Variants in CAMTA1 observed in about 807,000 individuals in gnomAD.
CAMTA1 encodes the protein calmodulin-binding transcription activator 1.
A neutral mutation model predicts 170.9 loss-of-function variants in CAMTA1; 27 were observed. The ratio of observed to expected loss-of-function variants is 0.16; its 90% CI spans 0.12 to 0.22. CAMTA1 has a LOEUF of 0.22. Among genes scored for constraint, CAMTA1 ranks in the 10% least tolerant of loss-of-function variants. The pLI, the probability that CAMTA1 is intolerant of heterozygous loss-of-function variation, is 1.00. For synonymous variants in CAMTA1, 833 were observed against 891.5 expected (o/e 0.93, Z 1.17); for missense variants, 1,619 against 2,217.2 (o/e 0.73, Z 5.42).
intron 6 of CAMTA1, among the ~76,000 whole-genome samples, chr1:7,530,342 G>A (rs185233837): frequency 6.6e-6 from 1 of 152,350 alleles, no homozygotes; most frequent in Admixed American, 6.5e-5. Flanking sequence ...GATGCACTGA[G>A]CTGACCGAAG....
At chr1:7,317,193 T>A (rs879777803) in intron 5 of CAMTA1, among the ~76,000 whole-genome samples, 1 of 151,782 alleles carries the variant, frequency 6.6e-6, no homozygotes. Flanking sequence ...CCTGCGGGAG[T>A]AGGAAGGAGG....
At chr1:7,321,840 C>G (rs1002976192) in intron 5 of CAMTA1, among the ~76,000 whole-genome samples, 3 of 152,126 alleles carry the variant, frequency 2.0e-5, no homozygotes, top group African/African-American at 7.2e-5. Context: ...CTAGAACTTG[C>G]ACCTCCTTCT....
chr1:7,660,587 C>G (rs2095946705), intron 7 of CAMTA1, among the ~76,000 whole-genome samples: 1 of 152,136 alleles, frequency 6.6e-6, no homozygotes. Context: ...CTGAACCGAG[C>G]CAGCTCCTAC....
At chr1:7,166,983 G>A (rs1648607716) in intron 4 of CAMTA1, among the ~76,000 whole-genome samples, 1 of 151,750 alleles carries the variant, frequency 6.6e-6, no homozygotes, top group Non-Finnish European at 1.5e-5. Context: ...GCTAATTTTT[G>A]TATTTTTAGT....
chr1:7,636,315 G>T (rs1411327507), intron 6 of CAMTA1, among the ~76,000 whole-genome samples: 4 of 152,226 alleles, frequency 2.6e-5, no homozygotes, highest in African/African-American at 9.6e-5. Flanking sequence ...GGAGGATGGG[G>T]TGGGTATCCA....
At chr1:6,891,494 C>T (rs773969277) in intron 3 of CAMTA1, among the ~76,000 whole-genome samples, 4 of 152,242 alleles carry the variant, frequency 2.6e-5, no homozygotes, top group East Asian at 1.9e-4. Context: ...TGTGATCTTC[C>T]GGGATCTTAA....
intron 12 of CAMTA1, among the ~76,000 whole-genome samples, chr1:7,734,871 A>G (rs974100374): frequency 6.6e-6 from 1 of 152,244 alleles, no homozygotes; most frequent in Non-Finnish European, 1.5e-5. Flanking sequence ...AACACCAGAG[A>G]TACAAATTAG....
At position 7,426,254 on chromosome 1, in the gene CAMTA1, C is replaced by G. The variant is rs1043788916; in HGVS notation, c.439-41576C>G. ...GTGCCCAGGGCCAGAGAGAGCTGCA[C>G]GGTCCGAAGCTCAGAGCATCCTCAC... is the stretch of plus-strand genomic sequence containing the variant. On this transcript the variant is annotated intron_variant, in intron 5 of 22. Transcript: ENST00000303635. The surrounding 1 kb of genome is among the most constrained non-coding windows in gnomAD (Gnocchi z 4.8). Among the ~76,000 whole-genome samples the G allele has an allele frequency of 6.6e-6, 1 of 151,484 alleles. No individual in the cohort carries two copies. Among genetic ancestry groups the G allele is most frequent in the Non-Finnish European group, 1.5e-5 (1 of 68,028 alleles).
chr1:7,561,475 G>A lies in CAMTA1; in HGVS notation c.511-78925G>A, dbSNP rs1248555931. 6.6e-6 allele frequency among the ~76,000 whole-genome samples: 1 copy of A among 151,778 alleles called. No individual in the cohort carries two copies. Among genetic ancestry groups the A allele is most frequent in the Non-Finnish European group, 1.5e-5 (1 of 67,918 alleles). The stretch of plus-strand genomic sequence containing the variant: ...TCTCCCTGCTGGGCACACCCCAGCG[G>A]CACCAGCACACTCCTCATCCTCTAG... On this transcript the variant is annotated intron_variant, in intron 6 of 22. Transcript: ENST00000303635. The surrounding 1 kb of genome is among the most constrained non-coding windows in gnomAD (Gnocchi z 5.3).
chr1:7,696,325 A>G (rs1214448525), intron 11 of CAMTA1, among the ~76,000 whole-genome samples: 3 of 152,054 alleles, frequency 2.0e-5, no homozygotes, highest in Non-Finnish European at 4.4e-5. Flanking sequence ...GCCTCCGAGT[A>G]GCTGGGACTA....
chr1:6,987,328 G>A (rs569732500), intron 3 of CAMTA1, among the ~76,000 whole-genome samples: 1 of 152,084 alleles, frequency 6.6e-6, no homozygotes, highest in African/African-American at 2.4e-5. Flanking sequence ...ATGCCCGGCT[G>A]ATTATTTTGT....
intron 3 of CAMTA1, among the ~76,000 whole-genome samples, chr1:6,996,690 AAAG>A (rs558079733): frequency 0.12 from 18,200 of 147,712 alleles, 1,163 homozygotes; most frequent in East Asian, 0.19. Context: ...TTTAAAAAAA[AAAG>A]AAAGAAAGAA....
chr1:7,342,543 A>G (rs2083911711), intron 5 of CAMTA1, among the ~76,000 whole-genome samples: 1 of 152,154 alleles, frequency 6.6e-6, no homozygotes, highest in Non-Finnish European at 1.5e-5. Context: ...CACCCCCATC[A>G]TCATGGCAGG....
intron 3 of CAMTA1, among the ~76,000 whole-genome samples, chr1:6,979,405 G>C (rs939526179): frequency 2.0e-5 from 3 of 152,240 alleles, no homozygotes; most frequent in African/African-American, 7.2e-5. Context: ...AGCAGCTCCA[G>C]AGAAAGATCC....
intron 7 of CAMTA1, among the ~76,000 whole-genome samples, chr1:7,656,198 C>T (rs2095901783): frequency 6.6e-6 from 1 of 152,234 alleles, no homozygotes; most frequent in African/African-American, 2.4e-5. Flanking sequence ...AAGACTAAAA[C>T]ACTGCCCTCA....
At chr1:7,716,722 A>C (rs911832044) in intron 11 of CAMTA1, among the ~76,000 whole-genome samples, 1 of 152,226 alleles carries the variant, frequency 6.6e-6, no homozygotes, top group Non-Finnish European at 1.5e-5. Flanking sequence ...TAATGTATGG[A>C]GAATGAGCTT....
chr1:7,735,444 C>CAAAAAAA (rs1028269439), intron 12 of CAMTA1, among the ~76,000 whole-genome samples: 3 of 58,198 alleles, frequency 5.2e-5, no homozygotes, highest in African/African-American at 1.3e-4. Context: ...GACTCTGTCT[C>CAAAAAAA]AAAAAAAAAA....
intron 4 of CAMTA1, among the ~76,000 whole-genome samples, chr1:7,186,113 A>G (rs980356111): frequency 3.3e-5 from 5 of 152,160 alleles, no homozygotes; most frequent in African/African-American, 4.8e-5. Flanking sequence ...TCAGAAAACA[A>G]TGTGTATGTG....
intron 5 of CAMTA1, among the ~76,000 whole-genome samples, chr1:7,394,469 G>A (rs1028979120): frequency 1.3e-5 from 2 of 152,096 alleles, no homozygotes; most frequent in Non-Finnish European, 2.9e-5. Context: ...AAATGTACTT[G>A]TTGACCATTT....
Sources: allele counts gnomAD v4.1 joint callset (sites outside exome capture counted in the v4.1 genomes callset), GRCh38; gene constraint gnomAD v4.1.1; non-coding constraint Gnocchi (gnomAD v3.1); transcripts MANE v1.5; gene names NCBI Gene and HGNC (gene_info 2026-07-23, HGNC 2026-07-21).